PCDH15: variants seen among roughly 807,000 people sequenced by gnomAD.
PCDH15 encodes the protein protocadherin-15.
PCDH15 carries 129 observed loss-of-function variants against 178.5 expected under a neutral mutation model. The ratio of observed to expected loss-of-function variants is 0.72; its 90% CI spans 0.63 to 0.84. The LOEUF (loss-of-function observed/expected upper bound fraction) is 0.84. Among genes scored for constraint, PCDH15 ranks in the 40% least tolerant of loss-of-function variants. PCDH15 has a pLI of 0.00. For synonymous variants in PCDH15, 800 were observed against 732.0 expected (o/e 1.09, Z -1.50); for missense variants, 2,230 against 2,099.9 (o/e 1.06, Z -1.21).
At chr10:55,155,940 A>T (rs1467512271) in intron 2 of PCDH15, among the ~76,000 whole-genome samples, 4 of 152,134 alleles carry the variant, frequency 2.6e-5, no homozygotes, top group Admixed American at 2.6e-4. Context: ...CATTTACATG[A>T]TTCAGCAGTC....
At chr10:54,141,331 T>C (rs951412312) in intron 14 of PCDH15, among the ~76,000 whole-genome samples, 10 of 152,226 alleles carry the variant, frequency 6.6e-5, no homozygotes, top group Non-Finnish European at 1.2e-4. Flanking sequence ...AGTATATTGA[T>C]AGCTATGATA....
At chr10:53,823,284 A>ACTTGTTGATGTTTCCTGTCTTCT in intron 32 of PCDH15, 1 of 1,614,060 alleles carries the variant, frequency 6.2e-7, no homozygotes, top group Non-Finnish European at 8.5e-7. Flanking sequence ...GGGCATCACA[A>ACTTGTTGATGTTTCCTGTCTTCT]CTTGTTGATG....
intron 2 of PCDH15, among the ~76,000 whole-genome samples, chr10:55,504,145 C>T (rs999155908): frequency 3.3e-5 from 5 of 150,974 alleles, no homozygotes; most frequent in African/African-American, 1.2e-4. Context: ...AAATGTCAAC[C>T]CTAACGTAAA....
chr10:55,571,533 A>T (rs1217331459), intron 2 of PCDH15, among the ~76,000 whole-genome samples: 1 of 152,124 alleles, frequency 6.6e-6, no homozygotes, highest in African/African-American at 2.4e-5. Flanking sequence ...ACAGTGAAGA[A>T]CTCCTTCATT....
At chr10:55,123,445 G>A (rs1341345748) in intron 2 of PCDH15, among the ~76,000 whole-genome samples, 1 of 151,858 alleles carries the variant, frequency 6.6e-6, no homozygotes, top group Non-Finnish European at 1.5e-5. Context: ...TTATGAAAAG[G>A]GTTTCATCAC....
chr10:54,176,155 G>A lies in PCDH15; in HGVS notation c.1590+7289C>T, dbSNP rs769875588. Among the ~76,000 whole-genome samples the A allele has an allele frequency of 4.3e-4, 66 of 152,104 alleles. 1 individual carries two copies. The highest frequency in any genetic ancestry group is 8.7e-4 in the Non-Finnish European group (59 of 67,968). On this transcript the variant is annotated intron_variant, in intron 13 of 37. Coordinates refer to ENST00000644397, the MANE Select transcript of PCDH15 (RefSeq NM_001384140.1). ...ACTCATTGAGGGTACATTAGTCGAG[G>A]GAATTAAATTCTATGGACATTAACT...
intron 3 of PCDH15, among the ~76,000 whole-genome samples, chr10:54,879,182 T>TTTTGTG (rs1954211800): frequency 6.7e-6 from 1 of 149,034 alleles, no homozygotes; most frequent in African/African-American, 2.5e-5. Flanking sequence ...CACGTGCTGT[T>TTTTGTG]TGTGTGTGTG....
intron 6 of PCDH15, among the ~76,000 whole-genome samples, chr10:54,332,508 T>G (rs1293418487): frequency 6.7e-6 from 1 of 149,578 alleles, no homozygotes; most frequent in Non-Finnish European, 1.5e-5. Context: ...TATTTGCTCT[T>G]ATTTTTCTCT....
chr10:55,081,249 T>G (rs1293848398), intron 2 of PCDH15, among the ~76,000 whole-genome samples: 3 of 152,164 alleles, frequency 2.0e-5, no homozygotes, highest in Non-Finnish European at 2.9e-5. Context: ...ATGTTCTAGT[T>G]GACGTATGAT....
At chr10:55,365,345 A>C (rs992056725) in intron 2 of PCDH15, among the ~76,000 whole-genome samples, 10 of 152,176 alleles carry the variant, frequency 6.6e-5, no homozygotes, top group African/African-American at 2.4e-5. Context: ...TATGTTGGAC[A>C]CTGTCCTTCT....
At chr10:54,942,930 T>C (rs889087024) in intron 2 of PCDH15, among the ~76,000 whole-genome samples, 5 of 151,994 alleles carry the variant, frequency 3.3e-5, no homozygotes, top group East Asian at 1.9e-4. Context: ...CATAATGTGG[T>C]GCCTTATTTG....
In PCDH15 at chr10:55,199,027, G is replaced by A. The variant is rs181885442; in HGVS notation, c.-155-32376C>T. ...GTGTGGGAATGATCACAGAAAATTG[G>A]TACTAGGAGTGGGGCATTGCTATAA... On this transcript the variant is annotated intron_variant, in intron 1 of 5. Transcript: ENST00000458638. 7.3e-4 allele frequency among the ~76,000 whole-genome samples: 111 copies of A among 152,170 alleles called. 1 individual carries two copies. In the Middle Eastern group the frequency reaches 0.02, roughly 28 times the overall value.
rs531382379 is a variant in PCDH15 at position 55,284,468 on chromosome 10, C to T, written c.-156+35131G>A. Among the ~76,000 whole-genome samples, 73 of 152,044 alleles carry T rather than the reference C, an allele frequency of 4.8e-4. 1 individual carries two copies. Among genetic ancestry groups the T allele is most frequent in the African/African-American group, 1.6e-3 (66 of 41,478 alleles). On this transcript the variant is annotated intron_variant, in intron 1 of 5. Transcript: ENST00000458638. Reference sequence around the variant, plus strand: ...CACTCAGAATCAGTGCTGTATTGCTCAAAAGAATGAGTTATGGTCATAAAG... The same window carrying T: ...CACTCAGAATCAGTGCTGTATTGCTTAAAAGAATGAGTTATGGTCATAAAG...
At chr10:55,581,489 G>T (rs1564464863) in intron 2 of PCDH15, among the ~76,000 whole-genome samples, 2 of 151,190 alleles carry the variant, frequency 1.3e-5, no homozygotes, top group Non-Finnish European at 3.0e-5. Context: ...TATTTGCTCT[G>T]TTTTTTTTAA....
chr10:54,727,525 C>G (rs926229050), intron 1 of PCDH15, among the ~76,000 whole-genome samples: 3 of 151,236 alleles, frequency 2.0e-5, no homozygotes, highest in African/African-American at 7.3e-5. Context: ...TAACACCACA[C>G]TGACAGGAAC....
chr10:54,779,514 G>GTA (rs771066981), intron 1 of PCDH15, among the ~76,000 whole-genome samples: 6 of 136,620 alleles, frequency 4.4e-5, no homozygotes, highest in African/African-American at 5.4e-5. Context: ...ATATATGTGT[G>GTA]TATATATATA....
intron 1 of PCDH15, among the ~76,000 whole-genome samples, chr10:55,205,213 T>C (rs1840364184): frequency 6.6e-6 from 1 of 152,056 alleles, no homozygotes; most frequent in African/African-American, 2.4e-5. Flanking sequence ...TAACTCAGTA[T>C]GAAATATTAT....
At chr10:54,195,566 T>C (rs893034384) in intron 11 of PCDH15, 117 bp downstream of exon 11, 26 of 860,228 alleles carry the variant, frequency 3.0e-5, no homozygotes, top group Admixed American at 1.9e-4. Flanking sequence ...AAAACTCACT[T>C]ACAGTGACTT....
At chr10:55,364,909 A>AT (rs1845318323) in intron 2 of PCDH15, among the ~76,000 whole-genome samples, 1 of 151,912 alleles carries the variant, frequency 6.6e-6, no homozygotes, top group South Asian at 2.1e-4. Flanking sequence ...AAAATATACA[A>AT]TTTTTTGTCA....
Sources: allele counts gnomAD v4.1 joint callset (sites outside exome capture counted in the v4.1 genomes callset), GRCh38; gene constraint gnomAD v4.1.1; transcripts MANE v1.5; gene names NCBI Gene and HGNC (gene_info 2026-07-23, HGNC 2026-07-21).